The following NEGR1 variants were observed in gnomAD, a reference collection of about 807,000 sequenced individuals.
NEGR1 encodes the protein IgLON family member 4.
Under a neutral mutation model 40.9 loss-of-function variants are expected in NEGR1, and 10 were observed. The observed-to-expected ratio is 0.24, with a 90% confidence interval of 0.15 to 0.42. NEGR1 has a LOEUF of 0.42. Ranked by LOEUF, NEGR1 falls within the 10% of genes least tolerant of loss-of-function variation. The pLI, the probability that NEGR1 is intolerant of heterozygous loss-of-function variation, is 1.00. For synonymous variants in NEGR1, 185 were observed against 166.8 expected, an observed-to-expected ratio of 1.11 and a Z score of -0.84; for missense variants, 352 against 438.9, an observed-to-expected ratio of 0.80 and a Z score of 1.77.
chr1:72,066,814 T>A (rs1258206404), intron 1 of NEGR1, among the ~76,000 whole-genome samples: 1 of 152,112 alleles, frequency 6.6e-6, no homozygotes, highest in Admixed American at 6.6e-5. Flanking sequence ...TGTGGCATTT[T>A]GTTATGGCGC....
intron 1 of NEGR1, among the ~76,000 whole-genome samples, chr1:72,122,325 G>A (rs935539953): frequency 6.6e-5 from 10 of 151,882 alleles, no homozygotes; most frequent in Non-Finnish European, 1.3e-4. Flanking sequence ...AAGCTTCATC[G>A]AGTGTTAACA....
chr1:71,670,523 T>C (rs796246719), intron 4 of NEGR1, among the ~76,000 whole-genome samples: 7 of 152,270 alleles, frequency 4.6e-5, no homozygotes, highest in African/African-American at 1.7e-4. Context: ...TCTTAGCTAT[T>C]ATGAGTCAAA....
chr1:72,219,133 G>A (rs1653926530), intron 1 of NEGR1, among the ~76,000 whole-genome samples: 1 of 151,972 alleles, frequency 6.6e-6, no homozygotes, highest in African/African-American at 2.4e-5. Flanking sequence ...TGGCCTTGAT[G>A]GTGACATTTT....
intron 1 of NEGR1, among the ~76,000 whole-genome samples, chr1:72,096,892 C>T (rs1011063389): frequency 1.3e-5 from 2 of 151,960 alleles, no homozygotes; most frequent in African/African-American, 4.8e-5. Context: ...CCATGTTAGC[C>T]AGGATGATCT....
chr1:71,738,060 A>C (rs1335021520), intron 3 of NEGR1: 1 of 152,596 alleles, frequency 6.6e-6, no homozygotes, highest in Non-Finnish European at 1.5e-5. Context: ...ACTCCTTCCT[A>C]GGCTGCTATT....
intron 1 of NEGR1, among the ~76,000 whole-genome samples, chr1:72,153,246 T>C (rs192552244): frequency 6.6e-6 from 1 of 152,074 alleles, no homozygotes; most frequent in East Asian, 1.9e-4. Flanking sequence ...GATGATCAAT[T>C]ATGCCCACAG....
chr1:71,838,083 T>C (rs1274806156), intron 2 of NEGR1, among the ~76,000 whole-genome samples: 1 of 152,174 alleles, frequency 6.6e-6, no homozygotes, highest in East Asian at 1.9e-4. Flanking sequence ...ATTATCCCAG[T>C]TTCTAGGGTC....
At chr1:72,107,993 T>A (rs555342233) in intron 1 of NEGR1, among the ~76,000 whole-genome samples, 1 of 151,730 alleles carries the variant, frequency 6.6e-6, no homozygotes, top group African/African-American at 2.4e-5. Context: ...CTATGTCTAA[T>A]AATTTTTTTA....
chr1:72,024,227 G>C (rs1047549256), intron 1 of NEGR1, among the ~76,000 whole-genome samples: 2 of 151,934 alleles, frequency 1.3e-5, no homozygotes, highest in Non-Finnish European at 2.9e-5. Flanking sequence ...TATGTATTAA[G>C]GTTTTTCCAC....
chr1:72,273,369 T>C (rs1011360591), intron 1 of NEGR1, among the ~76,000 whole-genome samples: 1 of 151,944 alleles, frequency 6.6e-6, no homozygotes, highest in African/African-American at 2.4e-5. Flanking sequence ...CAGAAATAAA[T>C]GTTAGGAGGT....
intron 6 of NEGR1, chr1:71,407,919 A>G (rs1294685000): frequency 5.6e-6 from 1 of 178,458 alleles, no homozygotes; most frequent in Non-Finnish European, 1.2e-5. Flanking sequence ...TGTACTGTAA[A>G]TATTTGTATT....
chr1:72,103,868 T>C (rs1428097140), intron 1 of NEGR1, among the ~76,000 whole-genome samples: 1 of 152,070 alleles, frequency 6.6e-6, no homozygotes, highest in African/African-American at 2.4e-5. Context: ...TGTCTCTGGA[T>C]CGAGTAGATT....
chr1:71,544,932 C>A (rs1165146871), intron 6 of NEGR1, among the ~76,000 whole-genome samples: 10 of 151,700 alleles, frequency 6.6e-5, no homozygotes. Context: ...CTTTCCTCCC[C>A]TAAAACTGAG....
At chr1:72,129,532 G>T (rs2100309212) in intron 1 of NEGR1, among the ~76,000 whole-genome samples, 1 of 152,278 alleles carries the variant, frequency 6.6e-6, no homozygotes, top group South Asian at 2.1e-4. Flanking sequence ...ATGAAGAAAA[G>T]AGTTTTTGGG....
intron 1 of NEGR1, among the ~76,000 whole-genome samples, chr1:72,212,434 C>A (rs1453140343): frequency 6.6e-6 from 1 of 151,796 alleles, no homozygotes; most frequent in Non-Finnish European, 1.5e-5. Flanking sequence ...CTCAGGAAGC[C>A]AAGGTTGGTG....
chr1:71,633,936 T>C (rs1231262237), intron 4 of NEGR1, among the ~76,000 whole-genome samples: 1 of 152,062 alleles, frequency 6.6e-6, no homozygotes, highest in East Asian at 1.9e-4. Flanking sequence ...TACAATCTGG[T>C]GCACTGGACC....
At chr1:71,823,829 C>T (rs756788583) in intron 2 of NEGR1, among the ~76,000 whole-genome samples, 6 of 151,996 alleles carry the variant, frequency 3.9e-5, no homozygotes, top group South Asian at 4.1e-4. Context: ...CGGCCAACGC[C>T]GCCTATTTTG....
chr1:71,484,499 C>A (rs1168256838), intron 6 of NEGR1, among the ~76,000 whole-genome samples: 2 of 151,636 alleles, frequency 1.3e-5, no homozygotes, highest in Non-Finnish European at 3.0e-5. Flanking sequence ...AAGCCAATAT[C>A]ATAAATGAGA....
In NEGR1 at chr1:71,931,094, G is replaced by T. The variant is rs556818712; in HGVS notation, c.409+3985C>A. 2.0e-5 allele frequency among the ~76,000 whole-genome samples: 3 copies of T among 152,224 alleles called. No individual in the cohort carries two copies. In the South Asian group the frequency reaches 6.2e-4, roughly 32 times the overall value. On this transcript the variant is annotated intron_variant, in intron 2 of 6. Transcript: ENST00000357731. ...GCCCACCCTTGATAAGGGAAGTGTAGCACCCCACCTATTACAAATACTCTA... is the reference window on the plus strand; with the variant it reads ...GCCCACCCTTGATAAGGGAAGTGTATCACCCCACCTATTACAAATACTCTA...
Sources: allele counts gnomAD v4.1 joint callset (sites outside exome capture counted in the v4.1 genomes callset), GRCh38; gene constraint gnomAD v4.1.1; transcripts MANE v1.5; gene names NCBI Gene and HGNC (gene_info 2026-07-23, HGNC 2026-07-21).